IMMP2L: variants seen among roughly 807,000 people sequenced by gnomAD.
IMMP2L encodes inner mitochondrial membrane peptidase subunit 2.
In IMMP2L, 18 loss-of-function variants were observed where a neutral mutation model predicts 19.3. The ratio of observed to expected loss-of-function variants is 0.93; its 90% CI spans 0.64 to 1.38. The LOEUF is 1.38. IMMP2L is among the 40% of genes most tolerant of loss of function. The pLI, the probability that IMMP2L is intolerant of heterozygous loss-of-function variation, is 0.00. For synonymous variants in IMMP2L, 76 were observed against 73.0 expected (o/e 1.04, Z -0.21); for missense variants, 233 against 218.2 (o/e 1.07, Z -0.43).
chr7:111,007,173 A>G (rs1563153974), intron 3 of IMMP2L, among the ~76,000 whole-genome samples: 1 of 152,146 alleles, frequency 6.6e-6, no homozygotes, highest in Non-Finnish European at 1.5e-5. Flanking sequence ...CAGGAGAGAG[A>G]AGAGCGAAGG....
intron 3 of IMMP2L, among the ~76,000 whole-genome samples, chr7:111,425,550 G>A (rs1353935024): frequency 6.6e-6 from 1 of 150,888 alleles, no homozygotes; most frequent in Non-Finnish European, 1.5e-5. Flanking sequence ...TGAATAGAGG[G>A]ATTAAAATAT....
At chr7:111,216,973 C>T (rs992866291) in intron 3 of IMMP2L, among the ~76,000 whole-genome samples, 5 of 151,958 alleles carry the variant, frequency 3.3e-5, no homozygotes, top group African/African-American at 4.8e-5. Flanking sequence ...CATATAAATA[C>T]TTGAAATAAA....
chr7:110,764,889 T>C lies in IMMP2L; in HGVS notation c.409-101168A>G, dbSNP rs548798873. ...AATCTTCTAGCCAACCAAGATGTTA[T>C]TAAAAACATTAAAAACTAGTTAATG... On this transcript the variant is annotated intron_variant, in intron 5 of 5. Transcript: ENST00000405709. Among the ~76,000 whole-genome samples the C allele has an allele frequency of 1.2e-4, 19 of 152,226 alleles. No homozygotes were observed. The Middle Eastern group carries it at 0.014, about 109-fold the overall frequency.
chr7:111,164,177 A>C (rs1168647306), intron 3 of IMMP2L, among the ~76,000 whole-genome samples: 3 of 151,652 alleles, frequency 2.0e-5, no homozygotes, highest in Non-Finnish European at 4.4e-5. Context: ...GGAAGGCAGA[A>C]AGGCAGGAAG....
intron 3 of IMMP2L, among the ~76,000 whole-genome samples, chr7:111,356,802 G>A (rs991794191): frequency 6.6e-6 from 1 of 152,070 alleles, no homozygotes. Context: ...TGAGGTAGGC[G>A]GATCACCTAA....
intron 3 of IMMP2L, among the ~76,000 whole-genome samples, chr7:111,105,889 T>C (rs1195688697): frequency 6.6e-6 from 1 of 151,914 alleles, no homozygotes; most frequent in African/African-American, 2.4e-5. Context: ...TTAGCCAGTT[T>C]AACTCCACTG....
chr7:110,715,804 C>T (rs1795199365), intron 5 of IMMP2L, among the ~76,000 whole-genome samples: 1 of 152,116 alleles, frequency 6.6e-6, no homozygotes, highest in Middle Eastern at 3.2e-3. Context: ...TTTAAAGTTT[C>T]TTGGTTAGTT....
chr7:111,439,985 TAAG>T (rs1442569679), intron 3 of IMMP2L, among the ~76,000 whole-genome samples: 3 of 151,908 alleles, frequency 2.0e-5, no homozygotes, highest in Non-Finnish European at 4.4e-5. Flanking sequence ...TGCTGATCCA[TAAG>T]AAGCACCTCC....
intron 3 of IMMP2L, among the ~76,000 whole-genome samples, chr7:111,186,899 T>C (rs1445372054): frequency 6.6e-6 from 1 of 152,026 alleles, no homozygotes; most frequent in Non-Finnish European, 1.5e-5. Context: ...GAAAACTGTT[T>C]CCCTACAATT....
At chr7:111,426,390 T>G (rs1836079149) in intron 3 of IMMP2L, among the ~76,000 whole-genome samples, 1 of 150,890 alleles carries the variant, frequency 6.6e-6, no homozygotes. Flanking sequence ...CGTTCACATT[T>G]GATGGTATTA....
At chr7:110,844,564 C>T (rs1310017015) in intron 5 of IMMP2L, among the ~76,000 whole-genome samples, 2 of 151,662 alleles carry the variant, frequency 1.3e-5, no homozygotes, top group Non-Finnish European at 2.9e-5. Context: ...TGCCCTTCAT[C>T]CTATGGTTAA....
chr7:111,393,078 G>A (rs1465078325), intron 3 of IMMP2L, among the ~76,000 whole-genome samples: 1 of 151,982 alleles, frequency 6.6e-6, no homozygotes, highest in African/African-American at 2.4e-5. Context: ...CCCAGAGGTT[G>A]TCACATGAGA....
Position 111,500,241 on chromosome 7 carries a change from G to A in IMMP2L, c.136-12900C>T, listed in dbSNP as rs563276570. On this transcript the variant is annotated intron_variant, in intron 2 of 5. Transcript: ENST00000405709. ...GCAGTCTGAGATCAAAATGCAAGGCGGCAGCGAGGCTGGGGAAGGGGCGCC... is the reference window on the plus strand; with the variant it reads ...GCAGTCTGAGATCAAAATGCAAGGCAGCAGCGAGGCTGGGGAAGGGGCGCC... Among the ~76,000 whole-genome samples the A allele has an allele frequency of 6.6e-5, 10 of 152,270 alleles. No individual in the cohort carries two copies. The East Asian group carries it at 7.7e-4, about 12-fold the overall frequency.
chr7:110,842,839 A>G (rs540595144), intron 5 of IMMP2L, among the ~76,000 whole-genome samples: 1 of 152,278 alleles, frequency 6.6e-6, no homozygotes, highest in East Asian at 1.9e-4. Flanking sequence ...AGCTTAATTG[A>G]AAAGAAGCTT....
chr7:110,842,475 C>G (rs2131458387), intron 5 of IMMP2L, among the ~76,000 whole-genome samples: 2 of 152,280 alleles, frequency 1.3e-5, no homozygotes, highest in South Asian at 4.1e-4. Context: ...CTGGGGCTGG[C>G]AAGTGCTACT....
intron 3 of IMMP2L, among the ~76,000 whole-genome samples, chr7:110,982,427 T>A (rs10255416): frequency 0.036 from 5,499 of 152,146 alleles, 337 homozygotes; most frequent in African/African-American, 0.13. Flanking sequence ...TAAGTGCTCA[T>A]ATTAAGGGGA....
intron 4 of IMMP2L, among the ~76,000 whole-genome samples, chr7:110,948,578 G>C (rs1217217029): frequency 1.3e-5 from 2 of 152,118 alleles, no homozygotes; most frequent in African/African-American, 4.8e-5. Flanking sequence ...TATTCCTTTT[G>C]TGTTAAGAAG....
At chr7:110,806,057 T>G (rs1801611168) in intron 5 of IMMP2L, among the ~76,000 whole-genome samples, 1 of 151,984 alleles carries the variant, frequency 6.6e-6, no homozygotes, top group Non-Finnish European at 1.5e-5. Context: ...GTTCCATTCT[T>G]AGGCCAAAGA....
intron 3 of IMMP2L, among the ~76,000 whole-genome samples, chr7:111,460,575 C>T (rs1389727787): frequency 1.3e-5 from 2 of 151,306 alleles, no homozygotes; most frequent in South Asian, 2.1e-4. Flanking sequence ...GAAAAGTTAA[C>T]TAGGAGAAGA....
Sources: allele counts gnomAD v4.1 joint callset (sites outside exome capture counted in the v4.1 genomes callset), GRCh38; gene constraint gnomAD v4.1.1; transcripts MANE v1.5; gene names NCBI Gene and HGNC (gene_info 2026-07-23, HGNC 2026-07-21).